SDK1: variants seen among roughly 807,000 people sequenced by gnomAD.
The protein encoded by SDK1 is protein sidekick-1.
Under a neutral mutation model 245.5 loss-of-function variants are expected in SDK1, and 157 were observed. That is an observed-to-expected ratio of 0.64 (90% confidence interval 0.56 to 0.73). The LOEUF (loss-of-function observed/expected upper bound fraction) is 0.73. Ranked by LOEUF, SDK1 falls within the 30% of genes least tolerant of loss-of-function variation. The probability of loss-of-function intolerance (pLI) is 0.00; values close to 1 mark genes in which losing one functional copy is unlikely to be tolerated. For missense variants in SDK1, 3,583 were observed against 3,002.3 expected (o/e 1.19, Z -4.52); for synonymous variants, 1,647 against 1,278.5 (o/e 1.29, Z -6.15).
chr7:3,872,060 G>GTT (rs61067772), intron 5 of SDK1, among the ~76,000 whole-genome samples: 13 of 151,864 alleles, frequency 8.6e-5, no homozygotes, highest in Admixed American at 1.3e-4. Context: ...CATTTGTTTT[G>GTT]TTTTTTCTTA....
chr7:3,558,509 A>G (rs1779656463), intron 1 of SDK1, among the ~76,000 whole-genome samples: 1 of 152,166 alleles, frequency 6.6e-6, no homozygotes, highest in South Asian at 2.1e-4. Context: ...ACAGCCCTAC[A>G]CTTTTCCAGT....
chr7:4,240,629 A>G (rs1786459586), intron 42 of SDK1, among the ~76,000 whole-genome samples: 1 of 152,196 alleles, frequency 6.6e-6, no homozygotes, highest in South Asian at 2.1e-4. Flanking sequence ...GCACTTAGCA[A>G]ATACCTGCCA....
intron 1 of SDK1, among the ~76,000 whole-genome samples, chr7:3,611,977 C>G (rs1012299135): frequency 6.6e-6 from 1 of 152,086 alleles, no homozygotes; most frequent in Non-Finnish European, 1.5e-5. Context: ...GACCATTATT[C>G]TAAGTGAAGT....
At chr7:3,724,292 G>C (rs1433913077) in intron 4 of SDK1, among the ~76,000 whole-genome samples, 3 of 152,046 alleles carry the variant, frequency 2.0e-5, no homozygotes, top group African/African-American at 7.2e-5. Context: ...ATAGTTATCA[G>C]TCAGGAGCAG....
intron 9 of SDK1, among the ~76,000 whole-genome samples, chr7:3,965,200 G>C (rs1199176939): frequency 5.3e-5 from 8 of 152,090 alleles, no homozygotes; most frequent in Admixed American, 5.2e-4. Context: ...ACAAACACAG[G>C]GTGCAGGCTG....
At chr7:3,974,027 C>CA (rs1186286411) in intron 12 of SDK1, among the ~76,000 whole-genome samples, 3 of 150,704 alleles carry the variant, frequency 2.0e-5, no homozygotes, top group East Asian at 2.0e-4. Flanking sequence ...ATTAAAAATA[C>CA]AAAAAAATTA....
At chr7:4,059,571 C>T (rs186881954) in intron 19 of SDK1, among the ~76,000 whole-genome samples, 13 of 152,340 alleles carry the variant, frequency 8.5e-5, no homozygotes, top group Admixed American at 2.0e-4. Flanking sequence ...TGGATTTAAA[C>T]TGCGCTTTAG....
intron 1 of SDK1, among the ~76,000 whole-genome samples, chr7:3,343,001 T>TG (rs1165363401): frequency 2.8e-5 from 1 of 35,898 alleles, no homozygotes; most frequent in South Asian, 1.1e-3. Flanking sequence ...GCTAAATGGC[T>TG]GAAAAAAAAA....
intron 2 of SDK1, among the ~76,000 whole-genome samples, chr7:3,630,719 A>T (rs1326313779): frequency 6.6e-6 from 1 of 152,212 alleles, no homozygotes; most frequent in Non-Finnish European, 1.5e-5. Context: ...TTTACACTGA[A>T]AACTACAAAA....
At chr7:3,476,580 A>T (rs1365318635) in intron 1 of SDK1, among the ~76,000 whole-genome samples, 1 of 152,222 alleles carries the variant, frequency 6.6e-6, no homozygotes, top group East Asian at 1.9e-4. Context: ...CAGAATACAT[A>T]TGTGTTTTCT....
chr7:3,573,490 G>A (rs1405139950), intron 1 of SDK1, among the ~76,000 whole-genome samples: 1 of 152,062 alleles, frequency 6.6e-6, no homozygotes, highest in African/African-American at 2.4e-5. Flanking sequence ...CACAGGCTGA[G>A]GACAACAGAT....
intron 35 of SDK1, among the ~76,000 whole-genome samples, chr7:4,187,754 AG>A (rs1285072863): frequency 6.6e-6 from 1 of 152,214 alleles, no homozygotes; most frequent in African/African-American, 2.4e-5. Flanking sequence ...AGGGAACACA[AG>A]GGGAACGTTT....
chr7:3,907,716 C>T (rs1016718984), intron 5 of SDK1, among the ~76,000 whole-genome samples: 5 of 152,172 alleles, frequency 3.3e-5, no homozygotes, highest in African/African-American at 9.7e-5. Context: ...AAAGGTGTAG[C>T]ACCGCAACAG....
rs537965199 is a variant in SDK1, at chr7:4,101,337, G to A, written c.3325-9326G>A. ...AATTTTTTGTGTTTTTAGTAGAGAC[G>A]GGAGTTTCACCGTGTTAGCCAGGAT... is the stretch of plus-strand genomic sequence containing the variant. On this transcript the variant is annotated intron_variant, in intron 22 of 44. Coordinates refer to ENST00000404826, the MANE Select transcript of SDK1 (RefSeq NM_152744.4). Among the ~76,000 whole-genome samples the A allele has an allele frequency of 5.1e-4, 78 of 152,164 alleles. 1 individual carries two copies. The highest frequency in any genetic ancestry group is 7.8e-4 in the East Asian group (4 of 5,142).
intron 4 of SDK1, among the ~76,000 whole-genome samples, chr7:3,674,368 C>T (rs1210743276): frequency 2.0e-5 from 3 of 151,994 alleles, no homozygotes. Flanking sequence ...GTGGGAGAGA[C>T]CTAGAGAGGG....
At chr7:3,840,704 G>A (rs575043121) in intron 5 of SDK1, among the ~76,000 whole-genome samples, 1 of 152,350 alleles carries the variant, frequency 6.6e-6, no homozygotes, top group African/African-American at 2.4e-5. Context: ...ACTACGCTGG[G>A]TAGCAGAGTT....
intron 4 of SDK1, among the ~76,000 whole-genome samples, chr7:3,665,575 A>G (rs906404256): frequency 3.3e-5 from 5 of 152,146 alleles, no homozygotes; most frequent in Admixed American, 6.5e-5. Flanking sequence ...GTGCCTGACT[A>G]GTTAATAAAT....
rs563755622 is a variant in SDK1, at chr7:4,248,601, C to T, written c.6381+2796C>T. ...ATGCACACACATGCATACTTAAATA[C>T]ACACAAACATGCACATACCTAAATA... On this transcript the variant is annotated intron_variant, in intron 44 of 44. Coordinates refer to ENST00000404826, the MANE Select transcript of SDK1 (RefSeq NM_152744.4). Among the ~76,000 whole-genome samples, 4 of 151,962 alleles carry T rather than the reference C, an allele frequency of 2.6e-5. No homozygotes were observed. The South Asian group carries it at 8.4e-4, about 32-fold the overall frequency.
intron 1 of SDK1, among the ~76,000 whole-genome samples, chr7:3,333,886 G>A (rs1297467498): frequency 6.6e-6 from 1 of 152,210 alleles, no homozygotes; most frequent in African/African-American, 2.4e-5. Context: ...TGTGGAACTG[G>A]ACTGCCAGGG....
Sources: gnomAD v4.1 joint callset for allele counts (sites outside exome capture counted in the v4.1 genomes callset) on GRCh38, gnomAD v4.1.1 for gene constraint, MANE v1.5 for transcripts, NCBI Gene and HGNC (gene_info 2026-07-23, HGNC 2026-07-21) for gene names.